The following SYN3 variants were observed in gnomAD, a reference collection of about 807,000 sequenced individuals.
SYN3 encodes synapsin III, also known as synapsin-3.
In SYN3, 35 loss-of-function variants were observed where a neutral mutation model predicts 65.8. The observed-to-expected ratio is 0.53, with a 90% CI of 0.41 to 0.70. The LOEUF is 0.70. Ranked by LOEUF, SYN3 falls within the 30% of genes least tolerant of loss-of-function variation. The probability of loss-of-function intolerance (pLI) is 0.00; values close to 1 mark genes in which losing one functional copy is unlikely to be tolerated. For synonymous variants in SYN3, 270 were observed against 292.9 expected, an observed-to-expected ratio of 0.92 and a Z score of 0.80; for missense variants, 680 against 749.0, an observed-to-expected ratio of 0.91 and a Z score of 1.08.
intron 7 of SYN3, among the ~76,000 whole-genome samples, chr22:32,569,258 T>TCTATCTAC (rs977821797): frequency 2.3e-5 from 3 of 132,968 alleles, no homozygotes; most frequent in African/African-American, 5.3e-5. Flanking sequence ...GCATCCAAAA[T>TCTATCTAC]CTATCTATCT....
At chr22:32,617,427 C>A (rs569271924) in intron 6 of SYN3, among the ~76,000 whole-genome samples, 9 of 151,728 alleles carry the variant, frequency 5.9e-5, no homozygotes, top group African/African-American at 1.7e-4. Flanking sequence ...ACATCACTGA[C>A]TCTGCATTTG....
At chr22:32,813,876 TCA>T (rs2046982766) in intron 6 of SYN3, among the ~76,000 whole-genome samples, 1 of 152,060 alleles carries the variant, frequency 6.6e-6, no homozygotes. Flanking sequence ...GTGGAAGAAT[TCA>T]CAGACACAAT....
intron 6 of SYN3, among the ~76,000 whole-genome samples, chr22:32,813,394 C>T (rs2046965246): frequency 6.6e-6 from 1 of 151,794 alleles, no homozygotes. Flanking sequence ...CCAGCTCCAG[C>T]CTATCAGGAT....
chr22:32,508,311 C>T lies in SYN3; in HGVS notation c.*5381G>A, dbSNP rs184339767. On this transcript the variant is annotated 3_prime_UTR_variant, in exon 14 of 14. Transcript: ENST00000358763. ...ACTGAGCACCTTGTGACCCCCGCCC[C>T]TGCCCACCAGAGAACAACCCCCTTT... Among the ~76,000 whole-genome samples the T allele has an allele frequency of 2.6e-3, 400 of 152,320 alleles. 2 individuals carry two copies. The highest frequency in any genetic ancestry group is 9.4e-3 in the African/African-American group (389 of 41,562).
chr22:32,900,949 G>T (rs1169263272), intron 4 of SYN3, among the ~76,000 whole-genome samples: 1 of 152,204 alleles, frequency 6.6e-6, no homozygotes, highest in Non-Finnish European at 1.5e-5. Context: ...GTTTACTGAT[G>T]CAGCAACAGC....
At chr22:32,903,070 T>A (rs1028730822) in intron 4 of SYN3, among the ~76,000 whole-genome samples, 6 of 152,130 alleles carry the variant, frequency 3.9e-5, no homozygotes, top group African/African-American at 1.4e-4. Context: ...GAAATGATAA[T>A]TGATGCTCAG....
chr22:32,960,488 C>T (rs1041207337), intron 3 of SYN3, among the ~76,000 whole-genome samples: 1 of 152,178 alleles, frequency 6.6e-6, no homozygotes, highest in African/African-American at 2.4e-5. Flanking sequence ...CATGGTGCTC[C>T]CCTGTGCCCC....
intron 2 of SYN3, among the ~76,000 whole-genome samples, chr22:32,997,094 G>T (rs561158220): frequency 1.3e-5 from 2 of 152,188 alleles, no homozygotes; most frequent in African/African-American, 4.8e-5. Context: ...TAAGAACTGC[G>T]GTGCCCAGGC....
chr22:32,612,821 A>C (rs2059464009), intron 6 of SYN3, among the ~76,000 whole-genome samples: 1 of 152,280 alleles, frequency 6.6e-6, no homozygotes, highest in South Asian at 2.1e-4. Context: ...CCTGGGTGAC[A>C]AAGTGAGACC....
intron 1 of SYN3, among the ~76,000 whole-genome samples, chr22:33,053,690 A>G (rs2054208709): frequency 1.3e-5 from 2 of 152,172 alleles, no homozygotes; most frequent in Admixed American, 6.5e-5. Flanking sequence ...TTACAAATTC[A>G]GCTTAAACAT....
intron 6 of SYN3, among the ~76,000 whole-genome samples, chr22:32,621,847 C>G (rs942606508): frequency 2.0e-5 from 3 of 152,134 alleles, no homozygotes; most frequent in Non-Finnish European, 4.4e-5. Context: ...GACTCACTCA[C>G]GTTCACCCAG....
At chr22:32,939,179 C>G (rs1426537065) in intron 3 of SYN3, among the ~76,000 whole-genome samples, 1 of 152,000 alleles carries the variant, frequency 6.6e-6, no homozygotes, top group Non-Finnish European at 1.5e-5. Flanking sequence ...CAAAACATTG[C>G]AGGCATCATG....
intron 7 of SYN3, among the ~76,000 whole-genome samples, chr22:32,546,554 C>G (rs1290688800): frequency 6.6e-6 from 1 of 151,922 alleles, no homozygotes; most frequent in Non-Finnish European, 1.5e-5. Context: ...TGGGTGGGTG[C>G]TGGAGGGGAC....
chr22:32,903,316 T>A (rs2049813154), intron 4 of SYN3, among the ~76,000 whole-genome samples: 1 of 152,252 alleles, frequency 6.6e-6, no homozygotes. Flanking sequence ...AAGTGCAAGC[T>A]GTTATGACCT....
At chr22:32,941,017 T>C (rs1315092046) in intron 3 of SYN3, among the ~76,000 whole-genome samples, 13 of 152,224 alleles carry the variant, frequency 8.5e-5, no homozygotes, top group Admixed American at 8.5e-4. Context: ...CTAGACAGAA[T>C]GTGTTCTACT....
chr22:32,875,789 G>T (rs1203769833), intron 4 of SYN3, among the ~76,000 whole-genome samples: 1 of 152,166 alleles, frequency 6.6e-6, no homozygotes, highest in Non-Finnish European at 1.5e-5. Flanking sequence ...CTCCCCTGGA[G>T]CCTTCAGAAG....
chr22:32,850,891 A>G (rs922728300), intron 6 of SYN3, among the ~76,000 whole-genome samples: 2 of 152,140 alleles, frequency 1.3e-5, no homozygotes, highest in African/African-American at 2.4e-5. Context: ...GTACCCAACC[A>G]TCCCCAAGGC....
At chr22:32,782,317 C>T (rs1448086161) in intron 6 of SYN3, among the ~76,000 whole-genome samples, 2 of 152,116 alleles carry the variant, frequency 1.3e-5, no homozygotes, top group East Asian at 3.9e-4. Context: ...ATCCACCCAC[C>T]TTGGCCTCCC....
At chr22:32,686,667 G>A (rs1479127054) in intron 6 of SYN3, among the ~76,000 whole-genome samples, 2 of 9,194 alleles carry the variant, frequency 2.2e-4, no homozygotes, top group East Asian at 4.5e-3. Flanking sequence ...CATGATCTCG[G>A]CTCACTGCAA....
Sources: gnomAD v4.1 joint callset for allele counts (sites outside exome capture counted in the v4.1 genomes callset) on GRCh38, gnomAD v4.1.1 for gene constraint, MANE v1.5 for transcripts, NCBI Gene and HGNC (gene_info 2026-07-23, HGNC 2026-07-21) for gene names.